GMDS: variants seen among roughly 807,000 people sequenced by gnomAD.
GMDS encodes GDP-mannose 4,6-dehydratase.
Under a neutral mutation model 49.9 loss-of-function variants are expected in GMDS, and 20 were observed. The ratio of observed to expected loss-of-function variants is 0.40; its 90% CI spans 0.28 to 0.58. The LOEUF is 0.58. Among genes scored for constraint, GMDS ranks in the 20% least tolerant of loss-of-function variants. The pLI, the probability that GMDS is intolerant of heterozygous loss-of-function variation, is 0.42. For missense variants in GMDS, 362 were observed against 481.4 expected, an observed-to-expected ratio of 0.75 and a Z score of 2.32; for synonymous variants, 177 against 178.6, an observed-to-expected ratio of 0.99 and a Z score of 0.07.
intron 1 of GMDS, among the ~76,000 whole-genome samples, chr6:2,241,839 T>C (rs902083255): frequency 3.9e-5 from 6 of 152,188 alleles, no homozygotes; most frequent in Admixed American, 3.3e-4. Flanking sequence ...GGTATTCCTT[T>C]ATAGCAACAC....
At chr6:1,755,031 AG>A (rs1368100335) in intron 7 of GMDS, among the ~76,000 whole-genome samples, 1 of 152,206 alleles carries the variant, frequency 6.6e-6, no homozygotes, top group East Asian at 1.9e-4. Flanking sequence ...AGTTCTGGCC[AG>A]GGCAATCAGG....
chr6:2,192,948 G>T (rs565375576), intron 1 of GMDS, among the ~76,000 whole-genome samples: 8 of 152,354 alleles, frequency 5.3e-5, no homozygotes, highest in African/African-American at 1.9e-4. Flanking sequence ...ACACCCCAAA[G>T]ATCCTGTAAC....
At chr6:2,026,265 A>G (rs992166122) in intron 4 of GMDS, among the ~76,000 whole-genome samples, 7 of 152,066 alleles carry the variant, frequency 4.6e-5, no homozygotes, top group Non-Finnish European at 1.0e-4. Flanking sequence ...TCTCACTTCA[A>G]ACTCAAAAAG....
chr6:2,212,814 TA>T (rs1780134484), intron 1 of GMDS, among the ~76,000 whole-genome samples: 2 of 152,064 alleles, frequency 1.3e-5, no homozygotes, highest in South Asian at 4.1e-4. Context: ...ATTCTGACTA[TA>T]AACCATAAGA....
chr6:1,881,219 G>C (rs915622944), intron 7 of GMDS, among the ~76,000 whole-genome samples: 2 of 152,076 alleles, frequency 1.3e-5, no homozygotes, highest in Non-Finnish European at 2.9e-5. Flanking sequence ...TGCAGAAATG[G>C]AACAAGTGAT....
chr6:1,786,916 A>T (rs1769347481), intron 7 of GMDS, among the ~76,000 whole-genome samples: 1 of 152,150 alleles, frequency 6.6e-6, no homozygotes, highest in South Asian at 2.1e-4. Flanking sequence ...AGCTGACTGC[A>T]GGATTGTGAC....
intron 4 of GMDS, among the ~76,000 whole-genome samples, chr6:2,086,719 C>T (rs954785385): frequency 2.6e-5 from 4 of 152,222 alleles, no homozygotes; most frequent in African/African-American, 4.8e-5. Flanking sequence ...TTCTGGGCTA[C>T]GTGCTGGCAG....
At chr6:1,910,321 AAAAG>A (rs1266453519) in intron 7 of GMDS, among the ~76,000 whole-genome samples, 1 of 152,074 alleles carries the variant, frequency 6.6e-6, no homozygotes, top group African/African-American at 2.4e-5. Context: ...ACTGAAAAAA[AAAAG>A]AAGATGATAC....
chr6:1,987,909 C>G (rs185220260), intron 4 of GMDS, among the ~76,000 whole-genome samples: 2 of 151,756 alleles, frequency 1.3e-5, no homozygotes, highest in Non-Finnish European at 2.9e-5. Flanking sequence ...TTTTACCTCT[C>G]GAAAAAAAAC....
rs11962309 is a variant in GMDS at position 1,777,169 on chromosome 6, C to A, written c.772-34583G>T. 8.7e-3 allele frequency among the ~76,000 whole-genome samples: 1,327 copies of A among 152,370 alleles called. 22 individuals are homozygous for A. The highest frequency in any genetic ancestry group is 0.03 in the African/African-American group (1,250 of 41,588). ...ATGGGCCATACCCCTAATCCTCACG[C>A]CGGCAGTGAAACAGGTTACGTGGCT... On this transcript the variant is annotated intron_variant, in intron 7 of 10. Coordinates refer to ENST00000380815, the MANE Select transcript of GMDS (RefSeq NM_001500.4).
At chr6:1,800,123 G>A (rs1450579745) in intron 7 of GMDS, among the ~76,000 whole-genome samples, 3 of 152,114 alleles carry the variant, frequency 2.0e-5, no homozygotes, top group East Asian at 1.9e-4. Flanking sequence ...ATGCCCATAT[G>A]GTGGTTGGCC....
intron 4 of GMDS, among the ~76,000 whole-genome samples, chr6:2,104,967 A>G (rs921377975): frequency 1.2e-4 from 18 of 151,984 alleles, no homozygotes; most frequent in Admixed American, 2.6e-4. Context: ...CAGATCACAA[A>G]GTCAGGAGAT....
intron 4 of GMDS, among the ~76,000 whole-genome samples, chr6:2,066,732 C>T (rs1017145336): frequency 9.9e-5 from 15 of 152,218 alleles, no homozygotes; most frequent in African/African-American, 3.4e-4. Flanking sequence ...AATATATATG[C>T]GCCCAATACA....
intron 9 of GMDS, among the ~76,000 whole-genome samples, chr6:1,656,078 C>A (rs1203955153): frequency 2.0e-5 from 3 of 152,214 alleles, no homozygotes; most frequent in Admixed American, 2.0e-4. Context: ...ACACCTGTCT[C>A]CATGGCCCTG....
intron 1 of GMDS, among the ~76,000 whole-genome samples, chr6:2,218,511 T>TG (rs1356001490): frequency 6.6e-6 from 1 of 152,246 alleles, no homozygotes; most frequent in African/African-American, 2.4e-5. Context: ...TAAGACACTC[T>TG]GTCTTTGCCA....
At chr6:2,236,680 T>C (rs1263881981) in intron 1 of GMDS, among the ~76,000 whole-genome samples, 2 of 152,232 alleles carry the variant, frequency 1.3e-5, no homozygotes, top group African/African-American at 4.8e-5. Context: ...AATCTAACTT[T>C]TGTGAAAAGT....
At chr6:2,177,305 T>C (rs1778328366) in intron 1 of GMDS, among the ~76,000 whole-genome samples, 1 of 152,124 alleles carries the variant, frequency 6.6e-6, no homozygotes, top group South Asian at 2.1e-4. Context: ...GGGTAGTAAC[T>C]ATGAAGACAA....
At chr6:1,887,466 G>T (rs1042889081) in intron 7 of GMDS, among the ~76,000 whole-genome samples, 1 of 152,104 alleles carries the variant, frequency 6.6e-6, no homozygotes, top group African/African-American at 2.4e-5. Context: ...CTCCAAAACA[G>T]GAAGAAAGAG....
chr6:2,131,293 G>C (rs1330118502), intron 1 of GMDS, among the ~76,000 whole-genome samples: 1 of 151,948 alleles, frequency 6.6e-6, no homozygotes, highest in Non-Finnish European at 1.5e-5. Context: ...GAGACTAAAG[G>C]GTTTAAAACA....
Sources: allele counts gnomAD v4.1 joint callset (sites outside exome capture counted in the v4.1 genomes callset), GRCh38; gene constraint gnomAD v4.1.1; transcripts MANE v1.5; gene names NCBI Gene and HGNC (gene_info 2026-07-23, HGNC 2026-07-21).